The following PLEKHG4B variants were observed in gnomAD, a reference collection of about 807,000 sequenced individuals.
PLEKHG4B encodes pleckstrin homology domain-containing family G member 4B.
In PLEKHG4B, 111 loss-of-function variants were observed where a neutral mutation model predicts 121.3. That is an observed-to-expected ratio of 0.92 (90% CI 0.78 to 1.07). The LOEUF (loss-of-function observed/expected upper bound fraction) is 1.07, where lower values mean the gene tolerates loss of function less well. PLEKHG4B is among the 50% of genes least tolerant of loss of function. The pLI, the probability that PLEKHG4B is intolerant of heterozygous loss-of-function variation, is 0.00. For missense variants in PLEKHG4B, 1,831 were observed against 1,757.8 expected, an observed-to-expected ratio of 1.04 and a Z score of -0.74; for synonymous variants, 738 against 725.0, an observed-to-expected ratio of 1.02 and a Z score of -0.29.
rs759445210 is a variant in PLEKHG4B, at chr5:182,267, G to T, written c.4828G>T (p.Ala1610Ser). The T allele has an allele frequency of 4.3e-6, 7 of 1,613,078 alleles. No individual in the cohort carries two copies. Among genetic ancestry groups the T allele is most frequent in the African/African-American group, 4.0e-5 (3 of 75,058 alleles). ...PEPELETGTQAAVCEGAPAVL... is the reference protein window; with the variant it reads ...PEPELETGTQSAVCEGAPAVL... The stretch of plus-strand genomic sequence containing the variant: ...GCCAGAACTAGAGACGGGCACCCAG[G>T]CTGCAGTGTGTGAGGGGGCTCCTGC... Residue 1610 changes from alanine to serine, a missense_variant, in exon 20 of 20, where the codon GCT becomes TCT. Physicochemically the swap from Ala to Ser is moderately conservative, Grantham distance 99. Transcript: ENST00000637938.
At chr5:179,958 G>T (rs948620227) in intron 18 of PLEKHG4B, among the ~76,000 whole-genome samples, 43 of 152,184 alleles carry the variant, frequency 2.8e-4, no homozygotes, top group African/African-American at 1.0e-3. Flanking sequence ...GTTTCCTTTT[G>T]AGACTCTCTA....
chr5:95,325 G>C (rs1215870935), intron 1 of PLEKHG4B, among the ~76,000 whole-genome samples: 1 of 151,962 alleles, frequency 6.6e-6, no homozygotes, highest in East Asian at 1.9e-4. Flanking sequence ...CATCCACCCT[G>C]TGCCCGCCCA....
chr5:173,114 C>A (rs752573930), intron 17 of PLEKHG4B, 47 bp downstream of exon 17: 1 of 1,586,232 alleles, frequency 6.3e-7, no homozygotes, highest in Non-Finnish European at 8.6e-7. Context: ...CCAGGCCCTC[C>A]AAGGGGGTCT....
chr5:139,490 A>G lies in PLEKHG4B; in HGVS notation c.251A>G (p.Tyr84Cys), dbSNP rs1322251826. 1.0e-5 allele frequency: 4 copies of G among 398,864 alleles called. No individual in the cohort carries two copies. In the Admixed American group the frequency reaches 1.8e-4, roughly 18 times the overall value. 24.7% of individuals were successfully genotyped at this position (398,864 alleles called of 1,614,324 possible). ...QHLQQEACARYRGLVFLHPGW... is the reference protein window; with the variant it reads ...QHLQQEACARCRGLVFLHPGW... The stretch of plus-strand genomic sequence containing the variant: ...CCTCCTCTCTTGTCTCAGGCCAGGT[A>G]CAGGGGTCTGGTCTTCCTGCACCCA... Residue 84 changes from tyrosine to cysteine, a missense_variant, in exon 3 of 20, where the codon TAC (tyrosine) becomes TGC (cysteine). Physicochemically the swap from Tyr to Cys is radical, Grantham distance 194 (BLOSUM62 -2). Transcript: ENST00000637938. This position sits in a 1 kb window ranked among gnomAD's most constrained non-coding sequence, Gnocchi z 5.0.
At chr5:178,539 T>C (rs1736833918) in intron 18 of PLEKHG4B, among the ~76,000 whole-genome samples, 1 of 152,226 alleles carries the variant, frequency 6.6e-6, no homozygotes, top group Non-Finnish European at 1.5e-5. Flanking sequence ...TGCTTATCAC[T>C]TACTAGGAAA....
Position 188,792 on chromosome 5 carries a change from C to T in PLEKHG4B, c.*6469C>T, listed in dbSNP as rs761072943. The T allele has an allele frequency of 6.6e-6, 1 of 152,368 alleles. No homozygotes were observed. Among genetic ancestry groups the T allele is most frequent in the East Asian group, 1.9e-4 (1 of 5,176 alleles). 9.4% of individuals were successfully genotyped at this position (152,368 alleles called of 1,614,324 possible). ...AAGGTGGCCTCGCAGAGGAGCCTCC[C>T]GAGCTTTGGAACCAGAGGCAGGCTC... On this transcript the variant is annotated 3_prime_UTR_variant, in exon 20 of 20. Transcript: ENST00000637938.
intron 6 of PLEKHG4B, among the ~76,000 whole-genome samples, chr5:149,460 G>T (rs574896668): frequency 2.6e-5 from 4 of 152,258 alleles, no homozygotes; most frequent in Non-Finnish European, 5.9e-5. Context: ...AGGATCGCTT[G>T]AGCCCAGGAG....
chr5:140,445 T>C lies in PLEKHG4B; in HGVS notation c.1206T>C (p.Ser402=), dbSNP rs766559529. Residue 402 remains serine, a synonymous_variant, in exon 3 of 20, where the codon TCT becomes TCC. Transcript: ENST00000637938. ...AVASGTQEET[S]GPRGDPQQTP... is the part of the protein sequence containing the mutation. The stretch of plus-strand genomic sequence containing the variant: ...CCAGTGGGACCCAGGAGGAAACCTC[T>C]GGCCCCCGGGGAGACCCCCAACAGA... 1 of 1,576,458 alleles carries C rather than the reference T, an allele frequency of 6.3e-7. No individual in the cohort carries two copies. Among genetic ancestry groups the C allele is most frequent in the Non-Finnish European group, 8.6e-7 (1 of 1,161,704 alleles).
chr5:115,089 CA>C (rs1734267134), intron 2 of PLEKHG4B, among the ~76,000 whole-genome samples: 1 of 152,214 alleles, frequency 6.6e-6, no homozygotes, highest in Non-Finnish European at 1.5e-5. Context: ...TATAGTCTTA[CA>C]AAATGTATTT....
chr5:146,275 C>T (rs1265835406), intron 6 of PLEKHG4B, among the ~76,000 whole-genome samples: 1 of 113,358 alleles, frequency 8.8e-6, no homozygotes, highest in Non-Finnish European at 1.8e-5. Flanking sequence ...CTGCCCCCCT[C>T]CCTCCTTTCC....
intron 2 of PLEKHG4B, among the ~76,000 whole-genome samples, chr5:135,096 G>C (rs1734914572): frequency 6.7e-6 from 1 of 149,350 alleles, no homozygotes. Flanking sequence ...GCTGAGGCAG[G>C]AGAATGGCGT....
In PLEKHG4B at chr5:163,352, GGCCCCAGGGACTCCT is replaced by G; in HGVS notation, c.3284_3298del (p.Pro1095_Cys1099del). 6.2e-7 allele frequency: 1 copy of G among 1,613,304 alleles called. No homozygotes were observed. The highest frequency in any genetic ancestry group is 8.5e-7 in the Non-Finnish European group (1 of 1,180,024). The stretch of plus-strand genomic sequence containing the variant: ...TTTCGAGATACCTCAGCCCGACAGT[GGCCCCAGGGACTCCT>G]GCCAGCCAGACCATACTAGTGTCTT... On this transcript the variant is annotated inframe_deletion, in exon 13 of 20. Coordinates refer to ENST00000637938, the MANE Select transcript of PLEKHG4B (RefSeq NM_052909.5).
chr5:145,021 G>T, intron 6 of PLEKHG4B, 101 bp downstream of exon 6: 1 of 1,108,504 alleles, frequency 9.0e-7, no homozygotes, highest in South Asian at 1.4e-5. Context: ...CAGTCCACAG[G>T]CTTAGTGTGA....
chr5:156,976 C>A lies in PLEKHG4B; in HGVS notation c.2487+65C>A. 6.3e-7 allele frequency: 1 copy of A among 1,577,598 alleles called. No homozygotes were observed. Among genetic ancestry groups the A allele is most frequent in the Non-Finnish European group, 8.6e-7 (1 of 1,159,000 alleles). Reference sequence around the variant, plus strand: ...CTCCAGGCCAGGCTGGCCAAGGCAACCCTCTCACCTTCACACTGTGTCTTT... The same window carrying A: ...CTCCAGGCCAGGCTGGCCAAGGCAAACCTCTCACCTTCACACTGTGTCTTT... On this transcript the variant is annotated intron_variant, in intron 11 of 19. Coordinates refer to ENST00000637938, the MANE Select transcript of PLEKHG4B (RefSeq NM_052909.5). This position sits in a 1 kb window ranked among gnomAD's most constrained non-coding sequence, Gnocchi z 4.4.
chr5:182,224 CGAG>C lies in PLEKHG4B; in HGVS notation c.4788_4790del (p.Glu1597del), dbSNP rs1398321176. On this transcript the variant is annotated inframe_deletion, in exon 20 of 20. Coordinates refer to ENST00000637938, the MANE Select transcript of PLEKHG4B (RefSeq NM_052909.5). ...GGTCATCTGATATCAGAGCCTGCGTCGAGGAAGATGAGCCAGAGCCAGAACTAG... is the reference window on the plus strand; with the variant it reads ...GGTCATCTGATATCAGAGCCTGCGTCGAAGATGAGCCAGAGCCAGAACTAG... The C allele has an allele frequency of 2.5e-6, 4 of 1,613,676 alleles. No individual in the cohort carries two copies. Among genetic ancestry groups the C allele is most frequent in the Non-Finnish European group, 3.4e-6 (4 of 1,180,044 alleles).
At chr5:169,159 C>T in intron 13 of PLEKHG4B, 181 bp from the exon 14 acceptor site, 3 of 745,650 alleles carry the variant, frequency 4.0e-6, no homozygotes, top group Non-Finnish European at 6.4e-6. Context: ...CAGGCACGAG[C>T]CCCCACGCCT....
At position 189,567 on chromosome 5, in the gene PLEKHG4B, GA is replaced by G. The variant is rs1269527800; in HGVS notation, c.*7245del. On this transcript the variant is annotated 3_prime_UTR_variant, in exon 20 of 20. Transcript: ENST00000637938. Reference sequence around the variant, plus strand: ...TGTTTGTCATGGCATTTCCTGTAAGGAGCCCAGAGCCGTGGCCCCAGGTTGG... The same window carrying G: ...TGTTTGTCATGGCATTTCCTGTAAGGGCCCAGAGCCGTGGCCCCAGGTTGG... 6.6e-6 allele frequency: 1 copy of G among 152,270 alleles called. No homozygotes were observed. Among genetic ancestry groups the G allele is most frequent in the Non-Finnish European group, 1.5e-5 (1 of 68,084 alleles). 9.4% of individuals were successfully genotyped at this position (152,270 alleles called of 1,614,324 possible).
chr5:154,697 C>T (rs1735713366), intron 7 of PLEKHG4B, among the ~76,000 whole-genome samples, 178 bp from the exon 8 acceptor site: 1 of 145,354 alleles, frequency 6.9e-6, no homozygotes, highest in Non-Finnish European at 1.5e-5. Context: ...TCTTTCCCGT[C>T]TTCTCGCTTT....
At chr5:126,844 C>T (rs1050385357) in intron 2 of PLEKHG4B, among the ~76,000 whole-genome samples, 29 of 152,024 alleles carry the variant, frequency 1.9e-4, no homozygotes, top group African/African-American at 7.0e-4. Context: ...AGAGGGGTGC[C>T]CAAAAGGGAA....
Sources: gnomAD v4.1 joint callset for allele counts (sites outside exome capture counted in the v4.1 genomes callset) on GRCh38, gnomAD v4.1.1 for gene constraint, Gnocchi (gnomAD v3.1) non-coding constraint, MANE v1.5 for transcripts, NCBI Gene and HGNC (gene_info 2026-07-23, HGNC 2026-07-21) for gene names.